Variants in REPS1 observed in about 807,000 individuals in gnomAD.
REPS1 encodes the protein ralBP1-associated Eps domain-containing protein 1.
REPS1 carries 39 observed loss-of-function variants against 100.9 expected under a neutral mutation model. The observed-to-expected ratio is 0.39, with a 90% CI of 0.30 to 0.50. The LOEUF is 0.50. Ranked by LOEUF, REPS1 falls within the 20% of genes least tolerant of loss-of-function variation. The pLI, the probability that REPS1 is intolerant of heterozygous loss-of-function variation, is 0.86. For synonymous variants in REPS1, 324 were observed against 340.3 expected (o/e 0.95, Z 0.53); for missense variants, 821 against 968.5 (o/e 0.85, Z 2.02).
rs1488530303 is a variant in REPS1, at chr6:138,945,204, T to C, written c.628+15A>G. On this transcript the variant is annotated intron_variant, in intron 4 of 19. Transcript: ENST00000450536. ...GGCAACACAATGACACTCTAATCAATCAATCTCTAAATACCTGATTGTGCT... is the reference window on the plus strand; with the variant it reads ...GGCAACACAATGACACTCTAATCAACCAATCTCTAAATACCTGATTGTGCT... The C allele has an allele frequency of 5.0e-6, 8 of 1,589,766 alleles. No individual in the cohort carries two copies. The highest frequency in any genetic ancestry group is 4.6e-4 in the Middle Eastern group (2 of 4,378).
intron 1 of REPS1, among the ~76,000 whole-genome samples, chr6:138,982,892 C>T (rs1307481260): frequency 6.6e-6 from 1 of 152,190 alleles, no homozygotes; most frequent in Non-Finnish European, 1.5e-5. Context: ...CTACAAGAAT[C>T]TCCCTCTTTC....
chr6:138,969,828 T>TAAATAAAG (rs1239482066), intron 1 of REPS1, among the ~76,000 whole-genome samples: 2 of 148,528 alleles, frequency 1.3e-5, no homozygotes, highest in African/African-American at 4.9e-5. Context: ...CTGTAAGAAT[T>TAAATAAAG]AAATAAAGAA....
chr6:138,919,860 T>TAA (rs77890722), intron 12 of REPS1, among the ~76,000 whole-genome samples: 22,470 of 152,128 alleles, frequency 0.15, 1,721 homozygotes, highest in African/African-American at 0.17. Context: ...GCAAAGACTT[T>TAA]TTTACTGTTC....
Position 138,958,211 on chromosome 6 carries a change from A to G in REPS1, c.154-10298T>C, listed in dbSNP as rs1170780793. Among the ~76,000 whole-genome samples, 2 of 152,238 alleles carry G rather than the reference A, an allele frequency of 1.3e-5. 1 individual carries two copies. The highest frequency in any genetic ancestry group is 1.3e-4 in the Admixed American group (2 of 15,286). ...TAAAGTGGAGTTTTAAGAGATATGGAAGTAATCACTGAAGAAAGAGTTTAA... is the reference window on the plus strand; with the variant it reads ...TAAAGTGGAGTTTTAAGAGATATGGGAGTAATCACTGAAGAAAGAGTTTAA... On this transcript the variant is annotated intron_variant, in intron 1 of 19. Coordinates refer to ENST00000450536, the MANE Select transcript of REPS1 (RefSeq NM_001286611.2).
chr6:138,944,730 G>C, intron 4 of REPS1, 108 bp from the exon 5 acceptor site: 3 of 1,079,026 alleles, frequency 2.8e-6, no homozygotes, highest in Admixed American at 2.8e-5. Flanking sequence ...TTCCAAAATG[G>C]AATCTTTTCT....
intron 1 of REPS1, among the ~76,000 whole-genome samples, chr6:138,958,047 A>AGAAG (rs1783510745): frequency 6.6e-6 from 1 of 152,242 alleles, no homozygotes; most frequent in Non-Finnish European, 1.5e-5. Context: ...GAAAAGTGTT[A>AGAAG]ACAGGACAAG....
Position 138,944,619 on chromosome 6 carries a change from G to C in REPS1, c.632C>G (p.Ser211Cys). The C allele has an allele frequency of 6.2e-7, 1 of 1,613,346 alleles. No individual in the cohort carries two copies. Residue 211 changes from serine to cysteine, a missense_variant, in exon 5 of 20, where the codon TCT becomes TGT. Coordinates refer to ENST00000450536, the MANE Select transcript of REPS1 (RefSeq NM_001286611.2). The part of the protein sequence containing the change: ...WSPFGEAQSG[S>C]SAGDAVWSGH... ...TGACCACACTGCATCACCAGCAGAA[G>C]AACCTATAAGGAGAATGGGTAAACA...
chr6:138,952,085 C>T (rs1783074373), intron 1 of REPS1, among the ~76,000 whole-genome samples: 1 of 152,058 alleles, frequency 6.6e-6, no homozygotes, highest in Non-Finnish European at 1.5e-5. Flanking sequence ...AACTACCATG[C>T]TTTGTTTTTT....
At chr6:138,960,040 A>G (rs1182552916) in intron 1 of REPS1, among the ~76,000 whole-genome samples, 1 of 152,188 alleles carries the variant, frequency 6.6e-6, no homozygotes, top group Non-Finnish European at 1.5e-5. Context: ...ATGTATTCCA[A>G]ACAACACCAG....
At chr6:138,944,240 T>C (rs1444605429) in intron 5 of REPS1, among the ~76,000 whole-genome samples, 1 of 152,154 alleles carries the variant, frequency 6.6e-6, no homozygotes, top group Non-Finnish European at 1.5e-5. Context: ...GTTATGAAAA[T>C]GTGCTAAGAA....
At position 138,964,224 on chromosome 6, in the gene REPS1, C is replaced by T. The variant is rs145002591; in HGVS notation, c.154-16311G>A. On this transcript the variant is annotated intron_variant, in intron 1 of 19. Transcript: ENST00000450536. ...CATTCTCTTGTTTTTTTTTTCCTAC[C>T]TTTCACCCAAACTCCATTTTACTTA... 1.3e-3 allele frequency among the ~76,000 whole-genome samples: 192 copies of T among 151,366 alleles called. 2 individuals are homozygous for T. The highest frequency in any genetic ancestry group is 0.011 in the Admixed American group (166 of 15,232).
chr6:138,986,549 C>G (rs1202218934), intron 1 of REPS1, among the ~76,000 whole-genome samples: 3 of 152,180 alleles, frequency 2.0e-5, no homozygotes, highest in Non-Finnish European at 1.5e-5. Flanking sequence ...CTTCAAAACC[C>G]TGGTCCAATG....
At chr6:138,907,180 C>A (rs1346505203) in intron 19 of REPS1, among the ~76,000 whole-genome samples, 1 of 151,474 alleles carries the variant, frequency 6.6e-6, no homozygotes, top group African/African-American at 2.4e-5. Flanking sequence ...GATAAAAGGA[C>A]AAACTAGGAC....
chr6:138,915,501 G>T (rs1780306179), intron 14 of REPS1, among the ~76,000 whole-genome samples: 1 of 148,884 alleles, frequency 6.7e-6, no homozygotes. Context: ...CACCCAGGCT[G>T]GAGTGCAGTG....
At chr6:138,938,580 A>G (rs1782015623) in intron 8 of REPS1, among the ~76,000 whole-genome samples, 1 of 152,198 alleles carries the variant, frequency 6.6e-6, no homozygotes, top group South Asian at 2.1e-4. Context: ...TGAGCATACT[A>G]CAATAAATAG....
At chr6:138,905,495 G>T (rs2750412) in intron 19 of REPS1, among the ~76,000 whole-genome samples, 59,905 of 138,974 alleles carry the variant, frequency 0.43, 13,517 homozygotes, top group Admixed American at 0.52. Flanking sequence ...GTTTCACCTT[G>T]TTAGCCAGGA....
chr6:138,917,413 AATT>A, intron 13 of REPS1, 139 bp downstream of exon 13: 1 of 627,972 alleles, frequency 1.6e-6, no homozygotes, highest in East Asian at 2.8e-5. Flanking sequence ...AAAGGATCAA[AATT>A]ACTTGTCTTT....
chr6:138,928,387 A>G (rs570456805), intron 9 of REPS1: 1 of 152,330 alleles, frequency 6.6e-6, no homozygotes, highest in Admixed American at 6.5e-5. Flanking sequence ...GCTTTCTGGA[A>G]GACAATTAAA....
intron 1 of REPS1, among the ~76,000 whole-genome samples, chr6:138,963,612 T>C (rs1783859171): frequency 6.6e-6 from 1 of 152,170 alleles, no homozygotes; most frequent in Non-Finnish European, 1.5e-5. Flanking sequence ...GTCCAAGTGG[T>C]TTTGATTACA....
Sources: gnomAD v4.1 joint callset for allele counts (sites outside exome capture counted in the v4.1 genomes callset) on GRCh38, gnomAD v4.1.1 for gene constraint, MANE v1.5 for transcripts, NCBI Gene and HGNC (gene_info 2026-07-23, HGNC 2026-07-21) for gene names.